SATL1: variants seen among roughly 807,000 people sequenced by gnomAD.
SATL1 encodes spermidine/spermine N1-acetyl transferase like 1.
Under a neutral mutation model 51.8 loss-of-function variants are expected in SATL1, and 47 were observed. The ratio of observed to expected loss-of-function variants is 0.91; its 90% CI spans 0.72 to 1.16. The LOEUF (loss-of-function observed/expected upper bound fraction) is 1.16, where lower values mean the gene tolerates loss of function less well. SATL1 is among the 50% of genes most tolerant of loss of function. The probability of loss-of-function intolerance (pLI) is 0.00; values close to 1 mark genes in which losing one functional copy is unlikely to be tolerated. For missense variants in SATL1, 520 were observed against 526.4 expected (o/e 0.99, Z 0.12); for synonymous variants, 176 against 182.4 (o/e 0.97, Z 0.28).
intron 7 of SATL1, chrX:85,092,919 A>G: frequency 3.1e-6 from 1 of 326,916 alleles, no homozygotes; most frequent in Non-Finnish European, 5.3e-6. Flanking sequence ...AATGCTTTCT[A>G]ATCTCCCTCC....
At chrX:85,236,869 T>C (rs1928491145) in intron 1 of SATL1, among the ~76,000 whole-genome samples, 1 of 111,525 alleles carries the variant, frequency 9.0e-6, no homozygotes. Context: ...AAAGGGCATC[T>C]GAATTTAAAA....
At chrX:85,152,927 C>G (rs999534964) in intron 2 of SATL1, among the ~76,000 whole-genome samples, 3 of 109,489 alleles carry the variant, frequency 2.7e-5, no homozygotes, top group Non-Finnish European at 5.7e-5. Flanking sequence ...TGTAACTAAC[C>G]TGCACATTGT....
intron 2 of SATL1, 70 bp downstream of exon 2, chrX:85,224,135 A>G (rs1358074718): frequency 3.6e-5 from 4 of 111,715 alleles, no homozygotes; most frequent in African/African-American, 1.3e-4. Flanking sequence ...TGGAGGCCAG[A>G]AGTTTTAAAT....
chrX:85,179,351 T>TA (rs968358318), intron 2 of SATL1, among the ~76,000 whole-genome samples: 18 of 111,361 alleles, frequency 1.6e-4, no homozygotes, highest in Non-Finnish European at 3.4e-4. Context: ...TTATCTAATT[T>TA]AAAAAAAATA....
At chrX:85,153,539 C>A (rs1926517899) in intron 2 of SATL1, among the ~76,000 whole-genome samples, 1 of 111,846 alleles carries the variant, frequency 8.9e-6, no homozygotes, top group African/African-American at 3.2e-5. Flanking sequence ...CATGCTGACT[C>A]AGTGTGTTAA....
At chrX:85,212,524 G>T (rs760421076) in intron 2 of SATL1, among the ~76,000 whole-genome samples, 2 of 111,764 alleles carry the variant, frequency 1.8e-5, no homozygotes, top group South Asian at 7.4e-4. Context: ...ATTTTGTTAT[G>T]TCTGCTATGT....
chrX:85,142,946 CT>C (rs1926145734), intron 2 of SATL1: 1 of 111,106 alleles, frequency 9.0e-6, no homozygotes, highest in Non-Finnish European at 1.9e-5. Context: ...TTTCTCTTAT[CT>C]TTTCTTCATC....
intron 2 of SATL1, chrX:85,142,589 C>T (rs182664114): frequency 2.5e-4 from 28 of 110,760 alleles, no homozygotes; most frequent in African/African-American, 8.9e-4. Context: ...ATAATAGATA[C>T]ATTCCAGCAG....
chrX:85,199,818 G>A (rs1160449217), intron 2 of SATL1, among the ~76,000 whole-genome samples: 1 of 111,778 alleles, frequency 8.9e-6, no homozygotes, highest in Non-Finnish European at 1.9e-5. Context: ...GGTAGTGGTT[G>A]GGGGATTGGA....
rs1354289510 is a variant in SATL1, at chrX:85,107,654, G to A, written c.1315C>T (p.Arg439Ter). 5 of 1,210,427 alleles carry A rather than the reference G, an allele frequency of 4.1e-6. No homozygotes were observed. The highest frequency in any genetic ancestry group is 1.8e-5 in the South Asian group (1 of 56,882). Reference protein sequence around the residue: ...PNKSPPGMWQRGMWQPGMSQQ... With the variant: ...PNKSPPGMWQ ...CTCATGCCTGGTTGCCACATGCCTC[G>A]TTGCCACATGCCTGGTGGACTCTTG... Residue 439 changes from arginine (R) to a stop codon, truncating the protein, a stop_gained, in exon 3 of 8, where the codon CGA (arginine) becomes TGA (stop). Transcript: ENST00000644105. LOFTEE classifies it high-confidence loss of function.
chrX:85,152,530 C>T (rs1321665980), intron 2 of SATL1, among the ~76,000 whole-genome samples: 82 of 111,071 alleles, frequency 7.4e-4, no homozygotes, highest in East Asian at 3.7e-3. Flanking sequence ...ATGTTTATTG[C>T]GGCACTATTC....
intron 7 of SATL1, 27 bp downstream of exon 7, chrX:85,093,158 A>T: frequency 8.8e-7 from 1 of 1,134,185 alleles, no homozygotes. Flanking sequence ...TAATGTATAG[A>T]ATATCAATAC....
chrX:85,114,139 G>A (rs1284060788), intron 2 of SATL1, among the ~76,000 whole-genome samples: 1 of 111,943 alleles, frequency 8.9e-6, no homozygotes, highest in Non-Finnish European at 1.9e-5. Flanking sequence ...AAAAATAACT[G>A]TATTGTTATA....
intron 2 of SATL1, among the ~76,000 whole-genome samples, chrX:85,113,268 G>A (rs1043802086): frequency 3.6e-5 from 4 of 110,004 alleles, no homozygotes; most frequent in Admixed American, 9.9e-5. Context: ...GGCAAGAGGA[G>A]ACAAATCAGG....
chrX:85,107,660 A>T lies in SATL1; in HGVS notation c.1309T>A (p.Trp437Arg). Reference protein sequence around the residue: ...RQPNKSPPGMWQRGMWQPGMS... With the variant: ...RQPNKSPPGMRQRGMWQPGMS... ...CCTGGTTGCCACATGCCTCGTTGCC[A>T]CATGCCTGGTGGACTCTTGTTTGGT... The change falls in exon 3 of 8, where the codon TGG becomes AGG. Residue 437 changes from tryptophan to arginine, a missense_variant. By Grantham distance (101) the Trp-to-Arg change is moderately radical. Around this residue, in one of 3 missense-constraint regions of SATL1, gnomAD observed 488 missense variants for 474.3 expected, o/e 1.03. Coordinates refer to ENST00000644105, the MANE Select transcript of SATL1 (RefSeq NM_001367857.2). 8.3e-7 allele frequency: 1 copy of T among 1,210,015 alleles called. No homozygotes were observed. The highest frequency in any genetic ancestry group is 1.1e-6 in the Non-Finnish European group (1 of 895,023).
Position 85,160,936 on chromosome X carries a change from G to A in SATL1, c.-312-51656C>T, listed in dbSNP as rs1181529379. Among the ~76,000 whole-genome samples the A allele has an allele frequency of 3.6e-5, 4 of 111,417 alleles. No homozygotes were observed. The Admixed American group carries it at 3.8e-4, about 11-fold the overall frequency. ...AAAGGCAGCTGGAGAGAAAGGTCAG[G>A]CCACGTACATCAGACTAACAGTGGA... is the stretch of plus-strand genomic sequence containing the variant. On this transcript the variant is annotated intron_variant, in intron 2 of 7. Transcript: ENST00000644105.
chrX:85,102,634 T>C (rs1214972452), intron 4 of SATL1, among the ~76,000 whole-genome samples: 1 of 111,222 alleles, frequency 9.0e-6, no homozygotes, highest in East Asian at 2.8e-4. Context: ...TGCTGGAGTA[T>C]ACAAAGTATT....
intron 2 of SATL1, chrX:85,211,737 T>C (rs900471912): frequency 9.0e-6 from 1 of 111,240 alleles, no homozygotes; most frequent in East Asian, 2.8e-4. Flanking sequence ...AGATAGATGA[T>C]GATGGTGATG....
intron 2 of SATL1, among the ~76,000 whole-genome samples, chrX:85,180,680 C>A (rs1054365919): frequency 7.2e-5 from 8 of 110,739 alleles, no homozygotes; most frequent in Admixed American, 9.7e-5. Flanking sequence ...ATTCCTGTTA[C>A]AAATTGTATT....
Sources: gnomAD v4.1 joint callset for allele counts (sites outside exome capture counted in the v4.1 genomes callset) on GRCh38, gnomAD v4.1.1 for gene constraint, gnomAD v4.1.1 regional missense constraint, MANE v1.5 for transcripts, NCBI Gene and HGNC (gene_info 2026-07-23, HGNC 2026-07-21) for gene names.